The following IL31RA variants were observed in gnomAD, a reference collection of about 807,000 sequenced individuals.
IL31RA encodes interleukin-31 receptor subunit alpha.
Under a neutral mutation model 83.7 loss-of-function variants are expected in IL31RA, and 66 were observed. The observed-to-expected ratio is 0.79, with a 90% CI of 0.65 to 0.97. The LOEUF (loss-of-function observed/expected upper bound fraction) is 0.97. Ranked by LOEUF, IL31RA falls within the 50% of genes least tolerant of loss-of-function variation. The pLI, the probability that IL31RA is intolerant of heterozygous loss-of-function variation, is 0.00. For synonymous variants in IL31RA, 325 were observed against 329.0 expected, an observed-to-expected ratio of 0.99 and a Z score of 0.13; for missense variants, 798 against 919.4, an observed-to-expected ratio of 0.87 and a Z score of 1.71.
chr5:55,848,623 A>C (rs1376821478), upstream of IL31RA, among the ~76,000 whole-genome samples: 2 of 152,232 alleles, frequency 1.3e-5, no homozygotes, highest in Non-Finnish European at 2.9e-5. Flanking sequence ...TGCCATGATG[A>C]CCATCCTTGA....
At chr5:55,864,102 G>A (rs1051893063) in intron 2 of IL31RA, among the ~76,000 whole-genome samples, 3 of 152,054 alleles carry the variant, frequency 2.0e-5, no homozygotes, top group African/African-American at 7.2e-5. Context: ...ATAAGACTAA[G>A]ACTATTCTGG....
the IL31RA span, among the ~76,000 whole-genome samples, chr5:55,843,590 T>C: frequency 6.6e-6 from 1 of 152,224 alleles, no homozygotes; most frequent in East Asian, 1.9e-4. Flanking sequence ...TCATAGTGGA[T>C]TCTTCTATTT....
At position 55,922,058 on chromosome 5, in the gene IL31RA, G is replaced by GGA. The variant is rs1554020984; in HGVS notation, c.*4939_*4940insAG. On this transcript the variant is annotated 3_prime_UTR_variant, in exon 15 of 15. Coordinates refer to ENST00000652347, the MANE Select transcript of IL31RA (RefSeq NM_139017.7). The stretch of plus-strand genomic sequence containing the variant: ...TCTTGCACTCTTATGTTGTGGCGGG[G>GGA]GGGGGGGGCGGTTCCTGAAGAGTGG... 6.8e-6 allele frequency among the ~76,000 whole-genome samples: 1 copy of GGA among 146,480 alleles called. No individual in the cohort carries two copies. Among genetic ancestry groups the GGA allele is most frequent in the African/African-American group, 2.6e-5 (1 of 38,266 alleles).
In IL31RA at chr5:55,885,281, G is replaced by A. The variant is rs327241; in HGVS notation, c.606+2086G>A. On this transcript the variant is annotated intron_variant, in intron 5 of 14. Transcript: ENST00000652347. ...GAAAAGCATTATTTGTCCTATTGTT[G>A]CAGAATTTTTGCTCCTTAGTTCAGC... Among the ~76,000 whole-genome samples the A allele has an allele frequency of 5.9e-3, 905 of 152,120 alleles. 4 individuals carry two copies. Among genetic ancestry groups the A allele is most frequent in the Non-Finnish European group, 8.7e-3 (590 of 67,990 alleles).
chr5:55,905,979 G>T, intron 8 of IL31RA, 127 bp from the exon 9 acceptor site: 1 of 894,936 alleles, frequency 1.1e-6, no homozygotes. Flanking sequence ...CCCATCCGGG[G>T]AGGCTGCAGT....
chr5:55,911,556 C>G (rs1462344406), intron 12 of IL31RA, among the ~76,000 whole-genome samples: 1 of 151,812 alleles, frequency 6.6e-6, no homozygotes, highest in Non-Finnish European at 1.5e-5. Context: ...TAAAAAATAG[C>G]AAGAAAAATT....
intron 13 of IL31RA, among the ~76,000 whole-genome samples, 162 bp from the exon 14 acceptor site, chr5:55,914,685 G>A (rs117495638): frequency 5.9e-5 from 9 of 152,090 alleles, no homozygotes; most frequent in South Asian, 4.2e-4. Context: ...AACACACACC[G>A]CAAAACAACT....
Position 55,917,198 on chromosome 5 carries a change from A to C in IL31RA, c.*78A>C, listed in dbSNP as rs1045123286. The C allele has an allele frequency of 6.2e-7, 1 of 1,605,922 alleles. No individual in the cohort carries two copies. Among genetic ancestry groups the C allele is most frequent in the South Asian group, 1.1e-5 (1 of 90,434 alleles). On this transcript the variant is annotated 3_prime_UTR_variant, in exon 15 of 15. Transcript: ENST00000652347. ...GAGAAGATGTCAAGACTCGGCACGC[A>C]GCGCTTGCTTGGCCCTGCCACATCC... is the stretch of plus-strand genomic sequence containing the variant.
intron 12 of IL31RA, among the ~76,000 whole-genome samples, chr5:55,912,198 A>C (rs1749537649): frequency 6.6e-6 from 1 of 152,162 alleles, no homozygotes; most frequent in South Asian, 2.1e-4. Context: ...TCCATTTTCC[A>C]CACAGCAGCC....
At chr5:55,844,587 G>A in the IL31RA span, among the ~76,000 whole-genome samples, 13 of 152,160 alleles carry the variant, frequency 8.5e-5, no homozygotes, top group African/African-American at 3.1e-4. Flanking sequence ...ATATACCTAG[G>A]TGTAGTTTTT....
intron 3 of IL31RA, among the ~76,000 whole-genome samples, chr5:55,871,235 C>T (rs772528445): frequency 3.9e-5 from 6 of 152,224 alleles, no homozygotes; most frequent in African/African-American, 1.4e-4. Flanking sequence ...CGACACATTG[C>T]CCTGGAGGCC....
intron 6 of IL31RA, among the ~76,000 whole-genome samples, chr5:55,893,904 C>T (rs1303496704): frequency 6.6e-6 from 1 of 151,214 alleles, no homozygotes; most frequent in African/African-American, 2.4e-5. Flanking sequence ...CTCCGCCTCC[C>T]AGGCTCAAGT....
intron 6 of IL31RA, among the ~76,000 whole-genome samples, chr5:55,893,834 C>T (rs576423781): frequency 6.7e-4 from 85 of 126,554 alleles, no homozygotes; most frequent in Middle Eastern, 9.6e-3. Context: ...TTTTTTGAGA[C>T]GGGGTCTCAC....
At chr5:55,885,271 T>A (rs950571408) in intron 5 of IL31RA, among the ~76,000 whole-genome samples, 1 of 152,180 alleles carries the variant, frequency 6.6e-6, no homozygotes, top group African/African-American at 2.4e-5. Context: ...GCATTATTTG[T>A]CCTATTGTTG....
Position 55,851,431 on chromosome 5 carries a change from C to T in IL31RA, c.-140C>T. The T allele has an allele frequency of 1.3e-6, 2 of 1,504,046 alleles. No individual in the cohort carries two copies. Among genetic ancestry groups the T allele is most frequent in the Non-Finnish European group, 1.8e-6 (2 of 1,099,600 alleles). 93.2% of individuals were successfully genotyped at this position (1,504,046 alleles called of 1,614,324 possible). A position where few individuals can be genotyped will look rare whatever the true frequency, so the allele number is the denominator to read the frequency against. ...TGGGGGGCATTCGAAACAGCAAAAT[C>T]ACTCATAAAAGGCAAAAAATTGCAA... is the stretch of plus-strand genomic sequence containing the variant. On this transcript the variant is annotated 5_prime_UTR_variant, in exon 1 of 15. Coordinates refer to ENST00000652347, the MANE Select transcript of IL31RA (RefSeq NM_139017.7).
chr5:55,877,226 T>C (rs1746910812), intron 4 of IL31RA, among the ~76,000 whole-genome samples: 1 of 152,184 alleles, frequency 6.6e-6, no homozygotes, highest in South Asian at 2.1e-4. Flanking sequence ...CAATTGCATA[T>C]AAAACTCTAC....
chr5:55,862,749 C>T (rs1054292154), intron 2 of IL31RA, among the ~76,000 whole-genome samples: 1 of 152,194 alleles, frequency 6.6e-6, no homozygotes, highest in African/African-American at 2.4e-5. Flanking sequence ...TAGGGTACCA[C>T]ATTGCGTTGA....
intron 4 of IL31RA, among the ~76,000 whole-genome samples, chr5:55,878,198 T>C (rs577179350): frequency 2.1e-4 from 32 of 152,230 alleles, no homozygotes; most frequent in Non-Finnish European, 4.3e-4. Context: ...AAATAATTTA[T>C]ATATTTTTGT....
chr5:55,871,013 T>C (rs969628748), intron 3 of IL31RA, among the ~76,000 whole-genome samples: 2 of 152,262 alleles, frequency 1.3e-5, no homozygotes, highest in Non-Finnish European at 2.9e-5. Flanking sequence ...CTCACATTTA[T>C]TGACTCTGTG....
Sources: gnomAD v4.1 joint callset for allele counts (sites outside exome capture counted in the v4.1 genomes callset) on GRCh38, gnomAD v4.1.1 for gene constraint, MANE v1.5 for transcripts, NCBI Gene and HGNC (gene_info 2026-07-23, HGNC 2026-07-21) for gene names.